Variants in BBS9 observed in about 807,000 individuals in gnomAD.
BBS9 encodes Bardet-Biedl syndrome 9.
In BBS9, 89 loss-of-function variants were observed where a neutral mutation model predicts 117.7. The ratio of observed to expected loss-of-function variants is 0.76; its 90% confidence interval spans 0.64 to 0.90. BBS9 has a LOEUF of 0.90. Ranked by LOEUF, BBS9 falls within the 40% of genes least tolerant of loss-of-function variation. The probability of loss-of-function intolerance (pLI) is 0.00; values close to 1 mark genes in which losing one functional copy is unlikely to be tolerated. For synonymous variants in BBS9, 379 were observed against 370.9 expected (o/e 1.02, Z -0.25); for missense variants, 982 against 1,042.2 (o/e 0.94, Z 0.80).
At chr7:33,595,181 A>G (rs543813615) in intron 21 of BBS9, among the ~76,000 whole-genome samples, 15 of 152,352 alleles carry the variant, frequency 9.8e-5, no homozygotes, top group Admixed American at 6.5e-4. Context: ...ACAAAAGCCA[A>G]AATTGACAAA....
At chr7:33,441,626 A>G (rs1228450910) in intron 19 of BBS9, among the ~76,000 whole-genome samples, 1 of 152,142 alleles carries the variant, frequency 6.6e-6, no homozygotes, top group Non-Finnish European at 1.5e-5. Context: ...ATTTGCACTT[A>G]TATTTATAAT....
intron 5 of BBS9, among the ~76,000 whole-genome samples, chr7:33,218,964 G>C (rs1789609256): frequency 6.6e-6 from 1 of 152,250 alleles, no homozygotes; most frequent in African/African-American, 2.4e-5. Flanking sequence ...AGCTTGCAGG[G>C]AGGTGTGGAG....
chr7:33,408,334 G>A (rs574113613), intron 19 of BBS9, among the ~76,000 whole-genome samples: 22 of 152,134 alleles, frequency 1.4e-4, no homozygotes, highest in Middle Eastern at 3.4e-3. Flanking sequence ...TCCAGGTGCC[G>A]TCTGTCACCC....
chr7:33,545,833 G>A (rs1853237748), intron 21 of BBS9, among the ~76,000 whole-genome samples: 1 of 147,066 alleles, frequency 6.8e-6, no homozygotes, highest in African/African-American at 2.5e-5. Context: ...GTATGTGTTT[G>A]TATGCATATC....
At chr7:33,506,879 C>T (rs1846220085) in intron 20 of BBS9, among the ~76,000 whole-genome samples, 1 of 152,068 alleles carries the variant, frequency 6.6e-6, no homozygotes, top group African/African-American at 2.4e-5. Flanking sequence ...GAAATGGAGA[C>T]ACAACTGTAA....
At chr7:33,183,496 C>A (rs1156838649) in intron 5 of BBS9, among the ~76,000 whole-genome samples, 2 of 152,166 alleles carry the variant, frequency 1.3e-5, no homozygotes, top group Admixed American at 1.3e-4. Flanking sequence ...TCTTATTACC[C>A]TACTTTAACC....
At chr7:33,297,903 A>G (rs950973630) in intron 9 of BBS9, among the ~76,000 whole-genome samples, 4 of 152,140 alleles carry the variant, frequency 2.6e-5, no homozygotes, top group African/African-American at 4.8e-5. Context: ...TATCAAAGAC[A>G]GTTTTTCAGT....
chr7:33,462,125 C>T (rs767904222), intron 19 of BBS9, among the ~76,000 whole-genome samples: 8 of 151,878 alleles, frequency 5.3e-5, no homozygotes, highest in Non-Finnish European at 1.0e-4. Flanking sequence ...AATCTAAAAC[C>T]TTGACTCTAG....
chr7:33,432,650 A>G (rs12665869), intron 19 of BBS9, among the ~76,000 whole-genome samples: 94,033 of 151,948 alleles, frequency 0.62, 29,538 homozygotes, highest in African/African-American at 0.72. Flanking sequence ...AAATGCACCT[A>G]GAAAAGAAAA....
chr7:33,213,590 G>T (rs1387044003), intron 5 of BBS9, among the ~76,000 whole-genome samples: 1 of 152,174 alleles, frequency 6.6e-6, no homozygotes, highest in Admixed American at 6.5e-5. Context: ...GGAATGTGCT[G>T]GGTCACATGT....
At chr7:33,555,907 T>C (rs1387347637) in intron 21 of BBS9, among the ~76,000 whole-genome samples, 1 of 152,238 alleles carries the variant, frequency 6.6e-6, no homozygotes, top group African/African-American at 2.4e-5. Flanking sequence ...TAATAATTAC[T>C]GCCAGTATAT....
intron 11 of BBS9, among the ~76,000 whole-genome samples, chr7:33,343,740 C>G (rs1406245461): frequency 6.6e-6 from 1 of 152,068 alleles, no homozygotes; most frequent in Non-Finnish European, 1.5e-5. Context: ...CTCAGGTGAT[C>G]CACCTGCTTC....
At position 33,190,766 on chromosome 7, in the gene BBS9, C is replaced by A. The variant is rs570897101; in HGVS notation, c.442+13175C>A. Among the ~76,000 whole-genome samples the A allele has an allele frequency of 1.2e-3, 185 of 152,302 alleles. 1 individual carries two copies. Among genetic ancestry groups the A allele is most frequent in the African/African-American group, 4.2e-3 (175 of 41,564 alleles). On this transcript the variant is annotated intron_variant, in intron 5 of 22. Coordinates refer to ENST00000242067, the MANE Select transcript of BBS9 (RefSeq NM_198428.3). ...AGGCTCTGGTTGGGCCATCTCTGAA[C>A]CAATCATTGCCACCAAAGGAATGTG...
intron 21 of BBS9, among the ~76,000 whole-genome samples, chr7:33,601,084 A>C (rs1863721523): frequency 6.6e-6 from 1 of 152,128 alleles, no homozygotes; most frequent in Non-Finnish European, 1.5e-5. Flanking sequence ...CTATCAATAC[A>C]TTTACCCTTG....
intron 21 of BBS9, among the ~76,000 whole-genome samples, chr7:33,596,187 A>AT (rs1403808124): frequency 2.0e-5 from 3 of 149,022 alleles, no homozygotes; most frequent in African/African-American, 7.6e-5. Flanking sequence ...TTAAAGTAAA[A>AT]TAAAAAAAAA....
chr7:33,429,283 TA>T lies in BBS9; in HGVS notation c.2115+41153del, dbSNP rs1167281294. On this transcript the variant is annotated intron_variant, in intron 19 of 22. Transcript: ENST00000242067. Reference sequence around the variant, plus strand: ...TTTTTGCGTAGCTTTTGCCTTGAAATAAAAAAAAAAAAAATTCAGCCAGAAG... The same window carrying T: ...TTTTTGCGTAGCTTTTGCCTTGAAATAAAAAAAAAAAAATTCAGCCAGAAG... Among the ~76,000 whole-genome samples, 1,197 of 142,146 alleles carry T rather than the reference TA, an allele frequency of 8.4e-3. 6 individuals are homozygous for T. Among genetic ancestry groups the T allele is most frequent in the African/African-American group, 0.018 (712 of 39,050 alleles). The allele number at this position is 142,146 out of a possible 152,430, so 93.3% of individuals were successfully genotyped here. A position where few individuals can be genotyped will look rare whatever the true frequency, so the allele number is the denominator to read the frequency against.
At chr7:33,224,740 T>C (rs1002443380) in intron 5 of BBS9, among the ~76,000 whole-genome samples, 1 of 152,208 alleles carries the variant, frequency 6.6e-6, no homozygotes, top group Admixed American at 6.5e-5. Context: ...CCACATTTAC[T>C]GTAAATTTGT....
At chr7:33,604,576 G>A (rs1428600248) in intron 21 of BBS9, among the ~76,000 whole-genome samples, 1 of 152,136 alleles carries the variant, frequency 6.6e-6, no homozygotes, top group African/African-American at 2.4e-5. Context: ...ATATGCTATA[G>A]GATAGGTTTT....
chr7:33,473,679 T>G (rs1841408583), intron 19 of BBS9, among the ~76,000 whole-genome samples: 1 of 152,186 alleles, frequency 6.6e-6, no homozygotes, highest in Non-Finnish European at 1.5e-5. Flanking sequence ...TCATTGTATT[T>G]GCATGGTAAA....
Sources: allele counts gnomAD v4.1 joint callset (sites outside exome capture counted in the v4.1 genomes callset), GRCh38; gene constraint gnomAD v4.1.1; transcripts MANE v1.5; gene names NCBI Gene and HGNC (gene_info 2026-07-23, HGNC 2026-07-21).